Variants in LGMN observed in about 807,000 individuals in gnomAD.
LGMN encodes the protein legumain.
In LGMN, 36 loss-of-function variants were observed where a neutral mutation model predicts 56.8. The ratio of observed to expected loss-of-function variants is 0.63; its 90% CI spans 0.49 to 0.84. The LOEUF (loss-of-function observed/expected upper bound fraction) is 0.84, where lower values mean the gene tolerates loss of function less well. Ranked by LOEUF, LGMN falls within the 40% of genes least tolerant of loss-of-function variation. The pLI, the probability that LGMN is intolerant of heterozygous loss-of-function variation, is 0.00. For missense variants in LGMN, 446 were observed against 556.1 expected, an observed-to-expected ratio of 0.80 and a Z score of 1.99; for synonymous variants, 199 against 210.1, an observed-to-expected ratio of 0.95 and a Z score of 0.46.
intron 2 of LGMN, among the ~76,000 whole-genome samples, chr14:92,719,961 C>A (rs1482900694): frequency 6.6e-6 from 1 of 152,210 alleles, no homozygotes; most frequent in Non-Finnish European, 1.5e-5. Context: ...GCCTGAGCAA[C>A]TGGGTGTACA....
chr14:92,709,981 G>A (rs373060235), intron 10 of LGMN, 109 bp from the exon 11 acceptor site: 10 of 829,212 alleles, frequency 1.2e-5, no homozygotes, highest in African/African-American at 1.7e-5. Context: ...GAGCAGAGGT[G>A]CCCAACATAC....
At chr14:92,738,939 G>A (rs1413463080) in intron 1 of LGMN, among the ~76,000 whole-genome samples, 1 of 150,674 alleles carries the variant, frequency 6.6e-6, no homozygotes, top group Non-Finnish European at 1.5e-5. Flanking sequence ...GAATCGCTTG[G>A]ACCTGGGAGG....
intron 1 of LGMN, among the ~76,000 whole-genome samples, chr14:92,743,693 C>T (rs1041580657): frequency 6.6e-6 from 1 of 151,478 alleles, no homozygotes; most frequent in Non-Finnish European, 1.5e-5. Context: ...CCCAGCTACT[C>T]GGGAGGCTGA....
intron 1 of LGMN, among the ~76,000 whole-genome samples, chr14:92,733,451 T>C (rs1439525962): frequency 1.3e-5 from 2 of 152,172 alleles, no homozygotes; most frequent in African/African-American, 2.4e-5. Context: ...ATCAACAAAA[T>C]TCACTATTGG....
At chr14:92,739,621 G>C (rs1289625938) in intron 1 of LGMN, among the ~76,000 whole-genome samples, 2 of 152,162 alleles carry the variant, frequency 1.3e-5, no homozygotes, top group Non-Finnish European at 2.9e-5. Context: ...AGTGATGACA[G>C]TGATGGACAA....
Position 92,707,489 on chromosome 14 carries a change from G to A in LGMN, c.1021-836C>T, listed in dbSNP as rs537191612. Among the ~76,000 whole-genome samples the A allele has an allele frequency of 5.9e-5, 9 of 152,262 alleles. No homozygotes were observed. In the South Asian group the frequency reaches 1.0e-3, roughly 18 times the overall value. ...TGGATTTTCTTCTTACACTTCAGCC[G>A]AAAGAACAGCGCCCGACGGCGAAAG... On this transcript the variant is annotated intron_variant, in intron 11 of 13. Transcript: ENST00000334869.
intron 5 of LGMN, chr14:92,715,778 G>A (rs1890042248): frequency 1.1e-5 from 2 of 174,730 alleles, no homozygotes; most frequent in Admixed American, 5.6e-5. Context: ...CAGGGCTGGT[G>A]GCCCTGCAAT....
At chr14:92,723,909 T>G (rs1371639243) in intron 2 of LGMN, among the ~76,000 whole-genome samples, 2 of 152,158 alleles carry the variant, frequency 1.3e-5, no homozygotes, top group African/African-American at 4.8e-5. Flanking sequence ...TTTTTGTATT[T>G]TTAGTAGAAA....
Position 92,708,834 on chromosome 14 carries a change from C to A in LGMN, c.1020+838G>T, listed in dbSNP as rs376430444. On this transcript the variant is annotated intron_variant, in intron 11 of 13. Coordinates refer to ENST00000334869, the MANE Select transcript of LGMN (RefSeq NM_005606.7). ...ATCACACCACTGCATTCCAGCCTGG[C>A]GACAGAGCAAGACTCTTGTCTCAAA... 7.4e-5 allele frequency among the ~76,000 whole-genome samples: 9 copies of A among 120,834 alleles called. No individual in the cohort carries two copies. In the East Asian group the frequency reaches 1.6e-3, roughly 22 times the overall value. The allele number at this position is 120,834 out of a possible 152,430, so 79.3% of individuals were successfully genotyped here.
In LGMN at chr14:92,718,710, G is replaced by T. The variant is rs375852548; in HGVS notation, c.236+37C>A. 55 of 1,392,668 alleles carry T rather than the reference G, an allele frequency of 3.9e-5. 1 individual carries two copies. The Middle Eastern group carries it at 1.1e-3, about 27-fold the overall frequency. The allele number at this position is 1,392,668 out of a possible 1,614,324, so 86.3% of individuals were successfully genotyped here. A position where few individuals can be genotyped will look rare whatever the true frequency, so the allele number is the denominator to read the frequency against. ...GTGACCTTTTTTTAAATACCCTGAA[G>T]TCCTTCCCCACCAAGTTCCAAGTGT... is the stretch of plus-strand genomic sequence containing the variant. On this transcript the variant is annotated intron_variant, in intron 3 of 13. Coordinates refer to ENST00000334869, the MANE Select transcript of LGMN (RefSeq NM_005606.7).
At chr14:92,730,894 C>A (rs1312443557) in intron 2 of LGMN, among the ~76,000 whole-genome samples, 1 of 150,418 alleles carries the variant, frequency 6.6e-6, no homozygotes, top group Admixed American at 6.6e-5. Flanking sequence ...CGCGCCACTG[C>A]ACTCTAGCCT....
At chr14:92,724,227 G>A (rs558651136) in intron 2 of LGMN, among the ~76,000 whole-genome samples, 1 of 152,306 alleles carries the variant, frequency 6.6e-6, no homozygotes, top group East Asian at 1.9e-4. Context: ...GCCTTGTGTT[G>A]TTACTCCTGC....
At chr14:92,717,240 CAA>C in intron 4 of LGMN, 138 bp downstream of exon 4, 1 of 555,262 alleles carries the variant, frequency 1.8e-6, no homozygotes, top group Non-Finnish European at 3.3e-6. Context: ...ACTCCTCAGG[CAA>C]AAATCCTAAT....
At chr14:92,727,882 C>A (rs1380571107) in intron 2 of LGMN, among the ~76,000 whole-genome samples, 1 of 152,186 alleles carries the variant, frequency 6.6e-6, no homozygotes, top group Non-Finnish European at 1.5e-5. Context: ...TCCCCTACAC[C>A]CCTTGCAAAC....
chr14:92,719,302 ACCGCCGCCACCGCCG>A (rs1445432411), intron 2 of LGMN, among the ~76,000 whole-genome samples: 19 of 43,244 alleles, frequency 4.4e-4, no homozygotes, highest in African/African-American at 1.4e-3. Context: ...CGCCGCCGCC[ACCGCCGCCACCGCCG>A]CCGCCGCCAC....
chr14:92,706,628 A>G lies in LGMN; in HGVS notation c.1046T>C (p.Val349Ala), dbSNP rs1352427725. ...LDARHLIEKS[V>A]RKIVSLLAAS... Reference sequence around the variant, plus strand: ...TGCCAGCAAGGAGACGATCTTACGCACTGACTTCTCAATGAGGTGCCTGGC... The same window carrying G: ...TGCCAGCAAGGAGACGATCTTACGCGCTGACTTCTCAATGAGGTGCCTGGC... Residue 349 changes from valine (V) to alanine (A), a missense_variant, in exon 12 of 14, where the codon GTG becomes GCG. Val to Ala is a moderately conservative substitution (Grantham distance 64). Transcript: ENST00000334869. 1.3e-6 allele frequency: 2 copies of G among 1,593,054 alleles called. No individual in the cohort carries two copies. The highest frequency in any genetic ancestry group is 1.7e-4 in the Middle Eastern group (1 of 5,960).
intron 5 of LGMN, 90 bp downstream of exon 5, chr14:92,716,046 G>C (rs1384261570): frequency 3.5e-6 from 3 of 853,430 alleles, no homozygotes; most frequent in Non-Finnish European, 5.6e-6. Context: ...AGGTAAACAG[G>C]CTAGGGGCAC....
Position 92,704,137 on chromosome 14 carries a change from C to T in LGMN, c.*182G>A. On this transcript the variant is annotated 3_prime_UTR_variant, in exon 14 of 14. Coordinates refer to ENST00000334869, the MANE Select transcript of LGMN (RefSeq NM_005606.7). Reference sequence around the variant, plus strand: ...CTAATTTGTAGTTTTTCAGAAAAGACTGGGGAAGCAGGTAACAGCGAGCAA... The same window carrying T: ...CTAATTTGTAGTTTTTCAGAAAAGATTGGGGAAGCAGGTAACAGCGAGCAA... 1.3e-6 allele frequency: 1 copy of T among 750,904 alleles called. No homozygotes were observed. Among genetic ancestry groups the T allele is most frequent in the African/African-American group, 1.7e-5 (1 of 58,240 alleles). 46.5% of individuals were successfully genotyped at this position (750,904 alleles called of 1,614,324 possible). A position where few individuals can be genotyped will look rare whatever the true frequency, so the allele number is the denominator to read the frequency against.
At chr14:92,727,211 C>G (rs1179492672) in intron 2 of LGMN, among the ~76,000 whole-genome samples, 1 of 151,896 alleles carries the variant, frequency 6.6e-6, no homozygotes. Flanking sequence ...GGGCAGATCA[C>G]TTGAAGCCAG....
Sources: gnomAD v4.1 joint callset for allele counts (sites outside exome capture counted in the v4.1 genomes callset) on GRCh38, gnomAD v4.1.1 for gene constraint, MANE v1.5 for transcripts, NCBI Gene and HGNC (gene_info 2026-07-23, HGNC 2026-07-21) for gene names.